The following SCYL3 variants were observed in gnomAD, a reference collection of about 807,000 sequenced individuals.
SCYL3 encodes the protein protein-associating with the carboxyl-terminal domain of ezrin.
A neutral mutation model predicts 73.8 loss-of-function variants in SCYL3; 35 were observed. The ratio of observed to expected loss-of-function variants is 0.47; its 90% confidence interval spans 0.36 to 0.63. The LOEUF is 0.63. Ranked by LOEUF, SCYL3 falls within the 20% of genes least tolerant of loss-of-function variation. The probability of loss-of-function intolerance (pLI) is 0.00; values close to 1 mark genes in which losing one functional copy is unlikely to be tolerated. For synonymous variants in SCYL3, 277 were observed against 295.2 expected (o/e 0.94, Z 0.63); for missense variants, 712 against 798.9 (o/e 0.89, Z 1.31).
At position 169,853,676 on chromosome 1, in the gene SCYL3, G is replaced by A; in HGVS notation, c.*37C>T. On this transcript the variant is annotated 3_prime_UTR_variant, in exon 13 of 13. Coordinates refer to ENST00000367771, the MANE Select transcript of SCYL3 (RefSeq NM_020423.7). ...AGGTATTGATTTTTTTTAAAAAAAG[G>A]GAATCCTTTTTCCTAAAGTTTAACT... The A allele has an allele frequency of 6.2e-7, 1 of 1,602,776 alleles. No individual in the cohort carries two copies. Among genetic ancestry groups the A allele is most frequent in the Non-Finnish European group, 8.5e-7 (1 of 1,174,030 alleles).
rs934941640 is a variant in SCYL3 at position 169,850,478 on chromosome 1, T to C, written c.*3235A>G. On this transcript the variant is annotated 3_prime_UTR_variant, in exon 13 of 13. Coordinates refer to ENST00000367771, the MANE Select transcript of SCYL3 (RefSeq NM_020423.7). ...GTGCTGAGCACAGTGCTGACGACTTTTACTAAGCAATTGAGGCCACAGAAG... is the reference window on the plus strand; with the variant it reads ...GTGCTGAGCACAGTGCTGACGACTTCTACTAAGCAATTGAGGCCACAGAAG... 1.1e-5 allele frequency: 7 copies of C among 615,574 alleles called. No homozygotes were observed. The highest frequency in any genetic ancestry group is 2.0e-5 in the Non-Finnish European group (7 of 351,010). 38.1% of individuals were successfully genotyped at this position (615,574 alleles called of 1,614,324 possible).
intron 1 of SCYL3, 55 bp from the exon 2 acceptor site, chr1:169,888,945 C>T (rs1661866571): frequency 9.7e-7 from 1 of 1,027,356 alleles, no homozygotes. Flanking sequence ...GCAACATCAA[C>T]AAGAGATATC....
At chr1:169,879,171 G>A (rs1454903391) in intron 2 of SCYL3, among the ~76,000 whole-genome samples, 4 of 152,228 alleles carry the variant, frequency 2.6e-5, no homozygotes, top group Admixed American at 2.6e-4. Context: ...TTATGGAGGG[G>A]AGTCAAACCT....
chr1:169,876,213 C>A, intron 3 of SCYL3, 122 bp from the exon 4 acceptor site: 1 of 492,124 alleles, frequency 2.0e-6, no homozygotes. Context: ...ATACTAATCA[C>A]CAAAAAAATT....
At chr1:169,856,982 T>C (rs1659230719) in intron 11 of SCYL3, among the ~76,000 whole-genome samples, 1 of 152,316 alleles carries the variant, frequency 6.6e-6, no homozygotes, top group East Asian at 1.9e-4. Flanking sequence ...GGGTTAGAGA[T>C]CCAGAATTAC....
intron 1 of SCYL3, among the ~76,000 whole-genome samples, chr1:169,889,568 G>C (rs1661920293): frequency 6.6e-6 from 1 of 152,068 alleles, no homozygotes; most frequent in South Asian, 2.1e-4. Flanking sequence ...CCGCAAAACT[G>C]AATCTCAAAT....
intron 5 of SCYL3, among the ~76,000 whole-genome samples, chr1:169,873,386 G>A (rs4656725): frequency 4.6e-5 from 7 of 152,026 alleles, no homozygotes; most frequent in Non-Finnish European, 1.0e-4. Flanking sequence ...TTGCCCAGTC[G>A]CAGGTATGTC....
chr1:169,851,796 GT>G lies in SCYL3; in HGVS notation c.*1916del. ...GTGCTAACATGTTGCTATTTGCTTG[GT>G]TTTTCATGGTCCCTGGCAGACTGGG... On this transcript the variant is annotated 3_prime_UTR_variant, in exon 13 of 13. Coordinates refer to ENST00000367771, the MANE Select transcript of SCYL3 (RefSeq NM_020423.7). 6.2e-7 allele frequency: 1 copy of G among 1,610,212 alleles called. No individual in the cohort carries two copies. Among genetic ancestry groups the G allele is most frequent in the Non-Finnish European group, 8.5e-7 (1 of 1,178,002 alleles).
chr1:169,870,464 A>G (rs1400232236), intron 5 of SCYL3, 107 bp from the exon 6 acceptor site: 11 of 696,358 alleles, frequency 1.6e-5, no homozygotes, highest in East Asian at 1.1e-4. Flanking sequence ...ACTCAAATCT[A>G]TCTTCAGACC....
chr1:169,865,997 A>G (rs755517282), intron 8 of SCYL3, among the ~76,000 whole-genome samples: 2 of 152,218 alleles, frequency 1.3e-5, no homozygotes, highest in African/African-American at 2.4e-5. Flanking sequence ...CTATAGGCTG[A>G]TAACACCCTA....
intron 11 of SCYL3, 108 bp from the exon 12 acceptor site, chr1:169,855,072 A>AAAT: frequency 1.3e-6 from 1 of 753,004 alleles, no homozygotes; most frequent in South Asian, 1.9e-5. Flanking sequence ...AATTACTTGG[A>AAAT]AATATCCATG....
Position 169,852,411 on chromosome 1 carries a change from T to C in SCYL3, c.*1302A>G, listed in dbSNP as rs1372870543. On this transcript the variant is annotated 3_prime_UTR_variant, in exon 13 of 13. Coordinates refer to ENST00000367771, the MANE Select transcript of SCYL3 (RefSeq NM_020423.7). The stretch of plus-strand genomic sequence containing the variant: ...ACTATTAGTATAGTAATTAGTATAG[T>C]AGTAATTCATGAAGAACAACATTCT... 1.1e-5 allele frequency: 3 copies of C among 268,770 alleles called. No individual in the cohort carries two copies. The highest frequency in any genetic ancestry group is 6.7e-5 in the African/African-American group (3 of 44,564). The allele number at this position is 268,770 out of a possible 1,614,324, so 16.6% of individuals were successfully genotyped here. A position where few individuals can be genotyped will look rare whatever the true frequency, so the allele number is the denominator to read the frequency against.
chr1:169,888,405 T>C (rs933156362), intron 2 of SCYL3, among the ~76,000 whole-genome samples: 1 of 152,208 alleles, frequency 6.6e-6, no homozygotes, highest in Non-Finnish European at 1.5e-5. Context: ...TAAAAATGTC[T>C]CCCTAACTTT....
rs1197100965 is a variant in SCYL3, at chr1:169,862,798, C to G, written c.956-1G>C. The G allele has an allele frequency of 1.2e-6, 2 of 1,612,310 alleles. No homozygotes were observed. The highest frequency in any genetic ancestry group is 1.7e-6 in the Non-Finnish European group (2 of 1,179,032). On this transcript the variant is annotated splice_acceptor_variant, in intron 9 of 12. Transcript: ENST00000367771. LOFTEE classifies it high-confidence loss of function. ...CAAGGAGTTTCTCCCTGCGCATGAT[C>G]TACCCGAAAAATCAAAGGTTACAGA...
In SCYL3 at chr1:169,850,073, C is replaced by G; in HGVS notation, c.*3640G>C. ...CAGCAGAAGTAATTAAAGCTTACAA[C>G]ACTTGTACAGAAGTTAATTTTGTAT... On this transcript the variant is annotated 3_prime_UTR_variant, in exon 13 of 13. Coordinates refer to ENST00000367771, the MANE Select transcript of SCYL3 (RefSeq NM_020423.7). 1.7e-6 allele frequency: 1 copy of G among 577,222 alleles called. No homozygotes were observed. Among genetic ancestry groups the G allele is most frequent in the South Asian group, 2.2e-5 (1 of 45,724 alleles). 35.8% of individuals were successfully genotyped at this position (577,222 alleles called of 1,614,324 possible).
chr1:169,864,458 C>T lies in SCYL3; in HGVS notation c.866G>A (p.Arg289Lys), dbSNP rs768701069. 6.2e-6 allele frequency: 10 copies of T among 1,611,916 alleles called. No individual in the cohort carries two copies. The highest frequency in any genetic ancestry group is 8.5e-6 in the Non-Finnish European group (10 of 1,179,466). The change falls in exon 9 of 13, where the codon AGG becomes AAG. Residue 289 changes from arginine to lysine, a missense_variant. This residue lies in a region of SCYL3 where 342 missense variants were observed against 448.1 expected (regional missense o/e 0.76). Coordinates refer to ENST00000367771, the MANE Select transcript of SCYL3 (RefSeq NM_020423.7). The stretch of plus-strand genomic sequence containing the variant: ...CTGATTAAGCAGAAGAGGCACCAAC[C>T]TTGAAGCTATCAATTCCTCTGACAA... ...SCLSEELIAS[R>K]LVPLLLNQLV...
chr1:169,850,247 T>A lies in SCYL3; in HGVS notation c.*3466A>T, dbSNP rs200528081. The A allele has an allele frequency of 1.7e-5, 26 of 1,546,378 alleles. No homozygotes were observed. The East Asian group carries it at 5.2e-4, about 31-fold the overall frequency. On this transcript the variant is annotated 3_prime_UTR_variant, in exon 13 of 13. Coordinates refer to ENST00000367771, the MANE Select transcript of SCYL3 (RefSeq NM_020423.7). ...GTTGAAATGTTAAAATTGGTCTTGT[T>A]CATCAATTTTTTAATAGGGAACAAA...
At chr1:169,892,383 CT>C (rs1336818047) in intron 1 of SCYL3, among the ~76,000 whole-genome samples, 1 of 152,204 alleles carries the variant, frequency 6.6e-6, no homozygotes, top group East Asian at 1.9e-4. Flanking sequence ...CCCAGCCTCC[CT>C]AGTTGCTGAG....
chr1:169,852,511 T>C lies in SCYL3; in HGVS notation c.*1202A>G, dbSNP rs764680747. ...GTTTATAAGACATGTAAGCTTGGAC[T>C]ATGCAGCACTTCTCATTGGGAGCCC... On this transcript the variant is annotated 3_prime_UTR_variant, in exon 13 of 13. Transcript: ENST00000367771. The C allele has an allele frequency of 1.9e-5, 8 of 424,348 alleles. No individual in the cohort carries two copies. Among genetic ancestry groups the C allele is most frequent in the Non-Finnish European group, 3.4e-5 (8 of 238,536 alleles). 26.3% of individuals were successfully genotyped at this position (424,348 alleles called of 1,614,324 possible). A position where few individuals can be genotyped will look rare whatever the true frequency, so the allele number is the denominator to read the frequency against.
Sources: gnomAD v4.1 joint callset for allele counts (sites outside exome capture counted in the v4.1 genomes callset) on GRCh38, gnomAD v4.1.1 for gene constraint, gnomAD v4.1.1 regional missense constraint, MANE v1.5 for transcripts, NCBI Gene and HGNC (gene_info 2026-07-23, HGNC 2026-07-21) for gene names.